The following GRID1 variants were observed in gnomAD, a reference collection of about 807,000 sequenced individuals.
GRID1 encodes glutamate ionotropic receptor delta type subunit 1, also known as glutamate receptor ionotropic, delta-1.
GRID1 carries 28 observed loss-of-function variants against 98.0 expected under a neutral mutation model. That is an observed-to-expected ratio of 0.29 (90% CI 0.21 to 0.39). GRID1 has a LOEUF of 0.39. Ranked by LOEUF, GRID1 falls within the 10% of genes least tolerant of loss-of-function variation. The pLI is 1.00. For synonymous variants in GRID1, 553 were observed against 538.5 expected, an observed-to-expected ratio of 1.03 and a Z score of -0.37; for missense variants, 1,111 against 1,340.5, an observed-to-expected ratio of 0.83 and a Z score of 2.67.
At chr10:86,278,478 A>C (rs1187489158) in intron 2 of GRID1, among the ~76,000 whole-genome samples, 2 of 152,130 alleles carry the variant, frequency 1.3e-5, no homozygotes, top group African/African-American at 4.8e-5. Flanking sequence ...TAGGAAAATC[A>C]AGGAAACCAA....
intron 6 of GRID1, among the ~76,000 whole-genome samples, chr10:85,866,510 C>T (rs1843223180): frequency 6.6e-6 from 1 of 151,422 alleles, no homozygotes; most frequent in Admixed American, 6.6e-5. Context: ...ATCCTTAATC[C>T]AAAAATGCAA....
At chr10:86,054,988 G>T (rs765881339) in intron 4 of GRID1, among the ~76,000 whole-genome samples, 1 of 152,138 alleles carries the variant, frequency 6.6e-6, no homozygotes, top group Non-Finnish European at 1.5e-5. Context: ...TGGGAATCTT[G>T]CCATTTCCAT....
At chr10:85,878,838 G>A in intron 5 of GRID1, among the ~76,000 whole-genome samples, 1 of 151,008 alleles carries the variant, frequency 6.6e-6, no homozygotes, top group East Asian at 2.0e-4. Flanking sequence ...ATTGGATAAA[G>A]AGTCAAGACC....
chr10:86,054,512 C>A (rs942849349), intron 4 of GRID1, among the ~76,000 whole-genome samples: 7 of 152,160 alleles, frequency 4.6e-5, no homozygotes, highest in Admixed American at 2.6e-4. Flanking sequence ...GGGCCCCTCA[C>A]TTATCCACAG....
intron 2 of GRID1, among the ~76,000 whole-genome samples, chr10:86,208,473 T>C (rs1239297324): frequency 1.3e-5 from 2 of 151,992 alleles, no homozygotes; most frequent in Non-Finnish European, 2.9e-5. Flanking sequence ...CAAGCTCCCA[T>C]ACCTGCAGCC....
chr10:85,706,492 C>T (rs1841519953), intron 12 of GRID1, among the ~76,000 whole-genome samples: 1 of 152,160 alleles, frequency 6.6e-6, no homozygotes, highest in Non-Finnish European at 1.5e-5. Flanking sequence ...ACATGCCATG[C>T]TCATGGGTAG....
intron 3 of GRID1, among the ~76,000 whole-genome samples, chr10:86,170,322 G>A (rs781024370): frequency 3.3e-5 from 5 of 152,312 alleles, no homozygotes; most frequent in Middle Eastern, 3.4e-3. Context: ...GGTCCCTGTC[G>A]CCCACCATCT....
At chr10:85,805,209 C>T (rs1421693552) in intron 8 of GRID1, among the ~76,000 whole-genome samples, 1 of 151,608 alleles carries the variant, frequency 6.6e-6, no homozygotes, top group Admixed American at 6.6e-5. Context: ...TCTGTCTACA[C>T]ACCATTAGTT....
chr10:86,083,338 G>A (rs982670523), intron 4 of GRID1, among the ~76,000 whole-genome samples: 4 of 152,136 alleles, frequency 2.6e-5, no homozygotes, highest in Middle Eastern at 3.2e-3. Flanking sequence ...CCATGCCATC[G>A]TTTCCATCTT....
intron 4 of GRID1, among the ~76,000 whole-genome samples, chr10:86,090,874 G>A (rs1034805295): frequency 7.2e-5 from 11 of 152,214 alleles, no homozygotes; most frequent in Admixed American, 1.3e-4. Flanking sequence ...ACCCCCACTG[G>A]AGAAGCTGAA....
rs1235631772 is a variant in GRID1, at chr10:85,917,433, C to T, written c.727-1194G>A. Among the ~76,000 whole-genome samples the T allele has an allele frequency of 2.0e-5, 3 of 152,070 alleles. No individual in the cohort carries two copies. In the East Asian group the frequency reaches 5.8e-4, roughly 29 times the overall value. ...CTCTAAATGTTGTTTGAGGTGTCAC[C>T]TTCTAGAAGATTTTACAGTTACCTC... On this transcript the variant is annotated intron_variant, in intron 4 of 15. Coordinates refer to ENST00000327946, the MANE Select transcript of GRID1 (RefSeq NM_017551.3).
chr10:86,329,479 G>A (rs186384064), intron 2 of GRID1, among the ~76,000 whole-genome samples: 18 of 152,370 alleles, frequency 1.2e-4, no homozygotes, highest in Admixed American at 1.2e-3. Context: ...CAGAGCCTGA[G>A]AAGGGCTTTG....
chr10:85,736,090 GAA>G (rs1841879399), intron 8 of GRID1, among the ~76,000 whole-genome samples: 1 of 138,250 alleles, frequency 7.2e-6, no homozygotes, highest in African/African-American at 2.7e-5. Flanking sequence ...GAGAAGGAAG[GAA>G]GGAAGGAGAG....
At chr10:86,161,219 G>A (rs1845316868) in intron 3 of GRID1, among the ~76,000 whole-genome samples, 2 of 152,208 alleles carry the variant, frequency 1.3e-5, no homozygotes, top group African/African-American at 4.8e-5. Flanking sequence ...GAGAAAATAA[G>A]CTGGTAGCAA....
intron 8 of GRID1, among the ~76,000 whole-genome samples, chr10:85,843,075 G>C (rs1842974763): frequency 6.6e-6 from 1 of 151,932 alleles, no homozygotes; most frequent in Non-Finnish European, 1.5e-5. Context: ...AATCAAGACA[G>C]GGTCATAAAG....
At chr10:85,719,068 G>GC (rs1779008333) in intron 12 of GRID1, among the ~76,000 whole-genome samples, 1 of 152,166 alleles carries the variant, frequency 6.6e-6, no homozygotes, top group Non-Finnish European at 1.5e-5. Flanking sequence ...CAAATCTCTA[G>GC]GGCAGGGGCG....
intron 2 of GRID1, among the ~76,000 whole-genome samples, chr10:86,356,950 C>T (rs1188753240): frequency 1.3e-5 from 2 of 152,170 alleles, no homozygotes; most frequent in Non-Finnish European, 2.9e-5. Context: ...ATTTCAACCT[C>T]GCAGCTACAA....
In GRID1 at chr10:86,195,079, G is replaced by A. The variant is rs541069945; in HGVS notation, c.520+11285C>T. ...GAACGCACAACCCTTGCTATGACCC[G>A]CTTCAAGTCTGGCCCAGAGGAAGCT... On this transcript the variant is annotated intron_variant, in intron 3 of 15. Transcript: ENST00000327946. This position sits in a 1 kb window ranked among gnomAD's most constrained non-coding sequence, Gnocchi z 4.4. Among the ~76,000 whole-genome samples, 2 of 152,174 alleles carry A rather than the reference G, an allele frequency of 1.3e-5. No homozygotes were observed. Among genetic ancestry groups the A allele is most frequent in the African/African-American group, 4.8e-5 (2 of 41,546 alleles).
chr10:86,073,962 G>T (rs1455511483), intron 4 of GRID1, among the ~76,000 whole-genome samples: 2 of 136,820 alleles, frequency 1.5e-5, no homozygotes, highest in East Asian at 3.9e-4. Flanking sequence ...CTGGGGGAGG[G>T]TGGGGGAAAT....
Sources: allele counts gnomAD v4.1 joint callset (sites outside exome capture counted in the v4.1 genomes callset), GRCh38; gene constraint gnomAD v4.1.1; non-coding constraint Gnocchi (gnomAD v3.1); transcripts MANE v1.5; gene names NCBI Gene and HGNC (gene_info 2026-07-23, HGNC 2026-07-21).